MYLK4: variants seen among roughly 807,000 people sequenced by gnomAD.
MYLK4 encodes the protein caMLCK like.
In MYLK4, 46 loss-of-function variants were observed where a neutral mutation model predicts 48.1. The observed-to-expected ratio is 0.96, with a 90% CI of 0.75 to 1.22. MYLK4 has a LOEUF of 1.22. MYLK4 is among the 50% of genes most tolerant of loss of function. The probability of loss-of-function intolerance (pLI) is 0.00; values close to 1 mark genes in which losing one functional copy is unlikely to be tolerated. For missense variants in MYLK4, 451 were observed against 486.1 expected (o/e 0.93, Z 0.68); for synonymous variants, 170 against 180.8 (o/e 0.94, Z 0.48).
the MYLK4 span, among the ~76,000 whole-genome samples, chr6:2,764,557 G>A: frequency 6.1e-4 from 31 of 50,986 alleles, no homozygotes; most frequent in Non-Finnish European, 8.4e-4. Context: ...GGGAGACTTA[G>A]ACAAAAGCAA....
chr6:2,670,509 G>C (rs539764787), intron 12 of MYLK4, among the ~76,000 whole-genome samples: 2 of 152,284 alleles, frequency 1.3e-5, no homozygotes, highest in African/African-American at 4.8e-5. Flanking sequence ...CTTGCTGCAG[G>C]GTCTAGGCCC....
chr6:2,700,612 T>A (rs144788951), intron 2 of MYLK4, among the ~76,000 whole-genome samples: 1,748 of 152,216 alleles, frequency 0.011, 10 homozygotes, highest in Non-Finnish European at 0.018. Context: ...CACCCAGGGA[T>A]ACGTGTGTGG....
intron 2 of MYLK4, among the ~76,000 whole-genome samples, chr6:2,731,503 C>T (rs761299833): frequency 2.6e-5 from 4 of 152,156 alleles, no homozygotes; most frequent in Non-Finnish European, 5.9e-5. Flanking sequence ...TGGCTTTAGT[C>T]CCTGCTATCC....
rs1760713275 is a variant in MYLK4, at chr6:2,667,727, A to T, written c.*198T>A. 1 of 152,654 alleles carries T rather than the reference A, an allele frequency of 6.6e-6. No homozygotes were observed. The highest frequency in any genetic ancestry group is 2.4e-5 in the African/African-American group (1 of 41,460). 9.5% of individuals were successfully genotyped at this position (152,654 alleles called of 1,614,324 possible). A position where few individuals can be genotyped will look rare whatever the true frequency, so the allele number is the denominator to read the frequency against. On this transcript the variant is annotated 3_prime_UTR_variant, in exon 13 of 13. Transcript: ENST00000274643. The stretch of plus-strand genomic sequence containing the variant: ...GGATGTGTTTGCGCCCTGAGACCAG[A>T]CCGCAGCGCTGGGTGTTCCTCTGAG...
At chr6:2,668,894 A>AC (rs1328762136) in intron 12 of MYLK4, among the ~76,000 whole-genome samples, 3 of 151,614 alleles carry the variant, frequency 2.0e-5, no homozygotes, top group Admixed American at 1.3e-4. Flanking sequence ...ACATAGTGAG[A>AC]CCCCCATCTC....
At chr6:2,675,474 T>C (rs1385758310) in intron 10 of MYLK4, among the ~76,000 whole-genome samples, 1 of 152,240 alleles carries the variant, frequency 6.6e-6, no homozygotes, top group East Asian at 1.9e-4. Flanking sequence ...TTTATTATTG[T>C]AAGAACAAAA....
chr6:2,705,589 C>A (rs62389612), intron 2 of MYLK4, among the ~76,000 whole-genome samples: 3 of 152,140 alleles, frequency 2.0e-5, no homozygotes, highest in Non-Finnish European at 4.4e-5. Context: ...CAGGAAATTG[C>A]TGTTTTGGTG....
rs5873837 is a variant in MYLK4, at chr6:2,705,919, GAA to G, written c.160-13062_160-13061del. 1.2e-3 allele frequency among the ~76,000 whole-genome samples: 177 copies of G among 144,600 alleles called. 1 individual carries two copies. The highest frequency in any genetic ancestry group is 3.5e-3 in the Middle Eastern group (1 of 282). 94.9% of individuals were successfully genotyped at this position (144,600 alleles called of 152,430 possible). ...TTATGTAATCCATTTGAATTCGGGGGAAAAAAAAAAAAAACCTTAAAGAGCAT... is the reference window on the plus strand; with the variant it reads ...TTATGTAATCCATTTGAATTCGGGGGAAAAAAAAAAAACCTTAAAGAGCAT... On this transcript the variant is annotated intron_variant, in intron 2 of 12. Transcript: ENST00000274643.
chr6:2,748,420 A>G (rs1764174066), intron 2 of MYLK4, among the ~76,000 whole-genome samples: 1 of 152,212 alleles, frequency 6.6e-6, no homozygotes, highest in South Asian at 2.1e-4. Context: ...CCGGGCAAGG[A>G]GCCAACGGAT....
At chr6:2,733,888 C>T (rs991614499) in intron 2 of MYLK4, among the ~76,000 whole-genome samples, 1 of 152,180 alleles carries the variant, frequency 6.6e-6, no homozygotes, top group Admixed American at 6.5e-5. Flanking sequence ...AATCTGGATG[C>T]TAACCTAGTA....
intron 12 of MYLK4, among the ~76,000 whole-genome samples, chr6:2,669,183 C>T (rs776635775): frequency 2.6e-5 from 4 of 152,174 alleles, no homozygotes; most frequent in Non-Finnish European, 4.4e-5. Context: ...TTTCTGAGGC[C>T]AAATGGGGCT....
chr6:2,766,515 CG>C, the MYLK4 span: 2 of 1,429,824 alleles, frequency 1.4e-6, no homozygotes. Flanking sequence ...GTCGGAGAGC[CG>C]GGTGTGCTGC....
the MYLK4 span, among the ~76,000 whole-genome samples, chr6:2,761,216 G>C: frequency 1.4e-4 from 21 of 152,312 alleles, no homozygotes; most frequent in African/African-American, 5.1e-4. Flanking sequence ...GGAAGACAGA[G>C]AAGATAGTTA....
intron 2 of MYLK4, among the ~76,000 whole-genome samples, chr6:2,718,191 A>AG (rs769671134): frequency 0.16 from 23,323 of 147,188 alleles, 2,005 homozygotes; most frequent in Middle Eastern, 0.23. Flanking sequence ...AAAAAAAAAA[A>AG]AAAAAAAAAA....
chr6:2,671,409 T>C (rs1760891821), intron 11 of MYLK4, 61 bp from the exon 12 acceptor site: 31 of 1,468,068 alleles, frequency 2.1e-5, no homozygotes, highest in Non-Finnish European at 2.6e-5. Flanking sequence ...TCCTGACTTA[T>C]GAGCTCACAT....
intron 11 of MYLK4, among the ~76,000 whole-genome samples, chr6:2,674,524 T>C (rs953165020): frequency 6.6e-6 from 1 of 152,236 alleles, no homozygotes; most frequent in Non-Finnish European, 1.5e-5. Context: ...ACAGTTATGC[T>C]GAAAATACTC....
chr6:2,724,777 G>A (rs1251143353), intron 2 of MYLK4, among the ~76,000 whole-genome samples: 1 of 152,172 alleles, frequency 6.6e-6, no homozygotes, highest in Admixed American at 6.5e-5. Context: ...CGAATGTCTT[G>A]ATGATTAAGA....
At chr6:2,764,283 T>TG in the MYLK4 span, among the ~76,000 whole-genome samples, 1 of 152,180 alleles carries the variant, frequency 6.6e-6, no homozygotes, top group African/African-American at 2.4e-5. Flanking sequence ...CCAGGCGTGG[T>TG]GGCTCAGCCT....
chr6:2,671,298 A>AG lies in MYLK4; in HGVS notation c.*2dup. ...AACCTTCCAAATGGCTGCCTCCTGT[A>AG]GACTATTTGGTCACAAAGTCCTGGG... On this transcript the variant is annotated 3_prime_UTR_variant, in exon 12 of 13. Coordinates refer to ENST00000274643, the MANE Select transcript of MYLK4 (RefSeq NM_001012418.5). 13 of 1,613,856 alleles carry AG rather than the reference A, an allele frequency of 8.1e-6. No homozygotes were observed. The highest frequency in any genetic ancestry group is 1.1e-5 in the Non-Finnish European group (13 of 1,179,844).
Sources: gnomAD v4.1 joint callset for allele counts (sites outside exome capture counted in the v4.1 genomes callset) on GRCh38, gnomAD v4.1.1 for gene constraint, MANE v1.5 for transcripts, NCBI Gene and HGNC (gene_info 2026-07-23, HGNC 2026-07-21) for gene names.